The following PRELP variants were observed in gnomAD, a reference collection of about 807,000 sequenced individuals.
PRELP encodes the protein prolargin.
Under a neutral mutation model 22.8 loss-of-function variants are expected in PRELP, and 16 were observed. The observed-to-expected ratio is 0.70, with a 90% CI of 0.47 to 1.06. The LOEUF is 1.06. Ranked by LOEUF, PRELP falls within the 50% of genes least tolerant of loss-of-function variation. The pLI is 0.00. For missense variants in PRELP, 434 were observed against 485.2 expected, an observed-to-expected ratio of 0.89 and a Z score of 0.99; for synonymous variants, 233 against 211.4, an observed-to-expected ratio of 1.10 and a Z score of -0.89.
intron 1 of PRELP, among the ~76,000 whole-genome samples, 159 bp downstream of exon 1, chr1:203,476,097 A>C (rs1660908021): frequency 6.6e-6 from 1 of 152,032 alleles, no homozygotes. Context: ...TAGTCTTCCT[A>C]ACTTCTTTCC....
Position 203,488,526 on chromosome 1 carries a change from G to GA in PRELP, c.*1655dup, listed in dbSNP as rs950382392. On this transcript the variant is annotated 3_prime_UTR_variant, in exon 3 of 3. Coordinates refer to ENST00000343110, the MANE Select transcript of PRELP (RefSeq NM_002725.4). ...CAGAGTGAGACTCCGTCTCAAAAAA[G>GA]AAAAAAAAAAGATGCTCCTCTGAGG... 20 of 148,060 alleles carry GA rather than the reference G, an allele frequency of 1.4e-4. No individual in the cohort carries two copies. Among genetic ancestry groups the GA allele is most frequent in the South Asian group, 2.1e-4 (1 of 4,718 alleles). 9.2% of individuals were successfully genotyped at this position (148,060 alleles called of 1,614,324 possible). A position where few individuals can be genotyped will look rare whatever the true frequency, so the allele number is the denominator to read the frequency against.
Position 203,484,063 on chromosome 1 carries a change from G to C in PRELP, c.879G>C (p.Leu293=). 6.2e-7 allele frequency: 1 copy of C among 1,614,134 alleles called. No homozygotes were observed. Among genetic ancestry groups the C allele is most frequent in the Non-Finnish European group, 8.5e-7 (1 of 1,180,034 alleles). The change falls in exon 2 of 3, where the codon CTG becomes CTC. Residue 293 remains leucine, a synonymous_variant. Coordinates refer to ENST00000343110, the MANE Select transcript of PRELP (RefSeq NM_002725.4). ...LPKNSFNISN[L]LVLHLSHNRI... ...AGAACTCCTTTAATATCTCCAACCT[G>C]CTTGTGCTCCACCTGTCCCACAACA...
intron 2 of PRELP, among the ~76,000 whole-genome samples, chr1:203,486,258 C>T (rs1334055518): frequency 6.6e-6 from 1 of 152,156 alleles, no homozygotes; most frequent in Non-Finnish European, 1.5e-5. Context: ...GATCAAAAGC[C>T]TCTTAGTGAA....
chr1:203,477,568 C>T lies in PRELP; in HGVS notation c.-17+1630C>T, dbSNP rs1408566126. Among the ~76,000 whole-genome samples the T allele has an allele frequency of 2.0e-5, 3 of 152,148 alleles. No homozygotes were observed. In the South Asian group the frequency reaches 6.2e-4, roughly 32 times the overall value. On this transcript the variant is annotated intron_variant, in intron 1 of 2. Coordinates refer to ENST00000343110, the MANE Select transcript of PRELP (RefSeq NM_002725.4). Reference sequence around the variant, plus strand: ...CAGGAGCATGTGCTGGGCCCTTCCCCTGACCCTTATAGGTCCCTGCTCCTC... The same window carrying T: ...CAGGAGCATGTGCTGGGCCCTTCCCTTGACCCTTATAGGTCCCTGCTCCTC...
chr1:203,479,706 C>CAAAAAAAAAA (rs397844598), intron 1 of PRELP, among the ~76,000 whole-genome samples: 8 of 52,520 alleles, frequency 1.5e-4, no homozygotes, highest in Admixed American at 3.0e-4. Context: ...CCTGTATCAC[C>CAAAAAAAAAA]AAAAAAAAAA....
At chr1:203,484,512 T>C (rs554502757) in intron 2 of PRELP, among the ~76,000 whole-genome samples, 18 of 152,368 alleles carry the variant, frequency 1.2e-4, no homozygotes, top group African/African-American at 3.8e-4. Flanking sequence ...ACTGGATCTA[T>C]AGGTAGGGTA....
chr1:203,477,453 A>G (rs978374385), intron 1 of PRELP, among the ~76,000 whole-genome samples: 5 of 152,136 alleles, frequency 3.3e-5, no homozygotes, highest in African/African-American at 1.2e-4. Flanking sequence ...TATATACCAC[A>G]GAGGAACATT....
intron 2 of PRELP, among the ~76,000 whole-genome samples, chr1:203,484,403 G>C (rs886869531): frequency 6.6e-6 from 1 of 152,266 alleles, no homozygotes; most frequent in Non-Finnish European, 1.5e-5. Context: ...GGTGATATGA[G>C]GATGTAATAG....
Position 203,483,285 on chromosome 1 carries a change from G to C in PRELP, c.101G>C (p.Arg34Pro). The C allele has an allele frequency of 6.2e-7, 1 of 1,613,314 alleles. No individual in the cohort carries two copies. The highest frequency in any genetic ancestry group is 8.5e-7 in the Non-Finnish European group (1 of 1,179,590). Reference sequence around the variant, plus strand: ...CCAAGACCCGGGACTGGGCCCGGGCGCAGACCCAGGCCCAGGCCCAGGCCC... The same window carrying C: ...CCAAGACCCGGGACTGGGCCCGGGCCCAGACCCAGGCCCAGGCCCAGGCCC... ...RRPRPGTGPG[R>P]RPRPRPRPTP... The change falls in exon 2 of 3, where the codon CGC becomes CCC. Residue 34 changes from arginine (R) to proline (P), a missense_variant. Coordinates refer to ENST00000343110, the MANE Select transcript of PRELP (RefSeq NM_002725.4). The surrounding 1 kb of genome is among the most constrained non-coding windows in gnomAD (Gnocchi z 4.4).
rs201296195 is a variant in PRELP, at chr1:203,483,379, C to T, written c.195C>T (p.Gly65=). The T allele has an allele frequency of 2.8e-5, 45 of 1,613,972 alleles. No homozygotes were observed. Among genetic ancestry groups the T allele is most frequent in the Non-Finnish European group, 3.6e-5 (42 of 1,180,006 alleles). Residue 65 remains glycine (G), a synonymous_variant, in exon 2 of 3, where the codon GGC becomes GGT. Transcript: ENST00000343110. The surrounding 1 kb of genome is among the most constrained non-coding windows in gnomAD (Gnocchi z 4.4). ...ACCTGCCTCCTCCCCTCCCTCCAGG[C>T]CCTCCATCTATCTTCCCTGACTGTC... The part of the protein sequence containing the change: ...PTDLPPPLPP[G]PPSIFPDCPR...
At chr1:203,486,184 G>C (rs1304284372) in intron 2 of PRELP, among the ~76,000 whole-genome samples, 2 of 152,176 alleles carry the variant, frequency 1.3e-5, no homozygotes, top group Non-Finnish European at 2.9e-5. Context: ...CATGGTTCAA[G>C]TATCCTGTTA....
In PRELP at chr1:203,484,128, A is replaced by G; in HGVS notation, c.944A>G (p.His315Arg). 1 of 1,471,108 alleles carries G rather than the reference A, an allele frequency of 6.8e-7. No homozygotes were observed. The highest frequency in any genetic ancestry group is 9.2e-7 in the Non-Finnish European group (1 of 1,090,474). 91.1% of individuals were successfully genotyped at this position (1,471,108 alleles called of 1,614,324 possible). ...SVPAINNRLEHLYLNNNSIEK... is the reference protein window; with the variant it reads ...SVPAINNRLERLYLNNNSIEK... The stretch of plus-strand genomic sequence containing the variant: ...CCCGCCATCAACAACAGGCTGGAAC[A>G]CCTGTACCTCAACAACAATAGCATC... The change falls in exon 2 of 3, where the codon CAC (histidine) becomes CGC (arginine). Residue 315 changes from histidine to arginine, a missense_variant. Transcript: ENST00000343110.
At chr1:203,481,815 C>T (rs190472099) in intron 1 of PRELP, among the ~76,000 whole-genome samples, 3 of 152,184 alleles carry the variant, frequency 2.0e-5, no homozygotes, top group African/African-American at 4.8e-5. Context: ...TTGGCCTTGG[C>T]GAGCCACTTC....
rs944719243 is a variant in PRELP at position 203,490,883 on chromosome 1, C to T, written c.*4002C>T. 2.0e-5 allele frequency: 3 copies of T among 152,182 alleles called. No individual in the cohort carries two copies. Among genetic ancestry groups the T allele is most frequent in the South Asian group, 2.1e-4 (1 of 4,832 alleles). The allele number at this position is 152,182 out of a possible 1,614,324, so 9.4% of individuals were successfully genotyped here. A position where few individuals can be genotyped will look rare whatever the true frequency, so the allele number is the denominator to read the frequency against. ...TACGCATTCAAGGATGGATAATATA[C>T]ATAGCAGCACATCCTTGAGGAACTC... On this transcript the variant is annotated 3_prime_UTR_variant, in exon 3 of 3. Transcript: ENST00000343110.
In PRELP at chr1:203,476,955, G is replaced by T. The variant is rs1183358246; in HGVS notation, c.-17+1017G>T. On this transcript the variant is annotated intron_variant, in intron 1 of 2. Coordinates refer to ENST00000343110, the MANE Select transcript of PRELP (RefSeq NM_002725.4). The stretch of plus-strand genomic sequence containing the variant: ...TGGCAGAGGAGAAAAAAAAAAAAAG[G>T]CAGCAGTTCCTTAAGCAGTTGGGGA... Among the ~76,000 whole-genome samples, 5 of 148,834 alleles carry T rather than the reference G, an allele frequency of 3.4e-5. No individual in the cohort carries two copies. In the East Asian group the frequency reaches 9.8e-4, roughly 29 times the overall value.
intron 2 of PRELP, among the ~76,000 whole-genome samples, chr1:203,484,419 T>C (rs1661061194): frequency 6.6e-6 from 1 of 152,262 alleles, no homozygotes. Context: ...AATAGTTTAA[T>C]ATGGAGAAAG....
chr1:203,484,826 C>T (rs889386737), intron 2 of PRELP, among the ~76,000 whole-genome samples: 3 of 152,230 alleles, frequency 2.0e-5, no homozygotes, highest in African/African-American at 7.2e-5. Context: ...GTATCAATTG[C>T]AGCCCAGGAG....
chr1:203,480,097 G>GA (rs977742128), intron 1 of PRELP, among the ~76,000 whole-genome samples: 5 of 151,286 alleles, frequency 3.3e-5, no homozygotes, highest in East Asian at 1.9e-4. Flanking sequence ...AGTGAAAAAA[G>GA]AAAAAAAAAT....
chr1:203,481,314 C>T (rs3766907), intron 1 of PRELP, among the ~76,000 whole-genome samples: 26,771 of 151,940 alleles, frequency 0.18, 2,778 homozygotes, highest in African/African-American at 0.28. Context: ...CTTTAACTAC[C>T]CCCTTAATTT....
Sources: allele counts gnomAD v4.1 joint callset (sites outside exome capture counted in the v4.1 genomes callset), GRCh38; gene constraint gnomAD v4.1.1; non-coding constraint Gnocchi (gnomAD v3.1); transcripts MANE v1.5; gene names NCBI Gene and HGNC (gene_info 2026-07-23, HGNC 2026-07-21).